Variants in GRK6 observed in about 807,000 individuals in gnomAD.
The protein encoded by GRK6 is G protein-coupled receptor kinase 6.
Under a neutral mutation model 80.8 loss-of-function variants are expected in GRK6, and 37 were observed. The observed-to-expected ratio is 0.46, with a 90% confidence interval of 0.35 to 0.60. GRK6 has a LOEUF of 0.60. GRK6 is among the 20% of genes least tolerant of loss of function. The probability of loss-of-function intolerance (pLI) is 0.00; values close to 1 mark genes in which losing one functional copy is unlikely to be tolerated. For synonymous variants in GRK6, 295 were observed against 320.9 expected (o/e 0.92, Z 0.86); for missense variants, 560 against 784.6 (o/e 0.71, Z 3.42).
At chr5:177,436,017 C>T (rs1764130095) in intron 11 of GRK6, 56 bp from the exon 12 acceptor site, 1 of 1,488,234 alleles carries the variant, frequency 6.7e-7, no homozygotes, top group Admixed American at 1.7e-5. Flanking sequence ...TTCCTGGGGC[C>T]TGAGGGTCCA....
At position 177,432,276 on chromosome 5, in the gene GRK6, G is replaced by T. The variant is rs1186612780; in HGVS notation, c.305G>T (p.Gly102Val). 1.2e-6 allele frequency: 2 copies of T among 1,613,120 alleles called. No homozygotes were observed. The highest frequency in any genetic ancestry group is 2.7e-5 in the African/African-American group (2 of 74,916). Residue 102 changes from glycine to valine, a missense_variant, in exon 4 of 16, where the codon GGG becomes GTG. Physicochemically the swap from Gly to Val is moderately radical, Grantham distance 109. Around this residue, in one of 3 missense-constraint regions of GRK6, gnomAD observed 189 missense variants for 230.2 expected, o/e 0.82. Coordinates refer to ENST00000355472, the MANE Select transcript of GRK6 (RefSeq NM_001004106.3). ...CCGGATGACAAGCGGAAGGCATGTG[G>T]GCGGCAGCTAACGCAGAATTTTCTG... Reference protein sequence around the residue: ...VTPDDKRKACGRQLTQNFLSH... With the variant: ...VTPDDKRKACVRQLTQNFLSH...
intron 5 of GRK6, 101 bp downstream of exon 5, chr5:177,432,907 C>T (rs1763974212): frequency 1.0e-6 from 1 of 988,178 alleles, no homozygotes; most frequent in Non-Finnish European, 1.5e-6. Context: ...TGAGGGAGCT[C>T]AGCTGCCCAG....
At chr5:177,441,527 T>C (rs1764498027) in intron 15 of GRK6, among the ~76,000 whole-genome samples, 1 of 152,130 alleles carries the variant, frequency 6.6e-6, no homozygotes, top group South Asian at 2.1e-4. Flanking sequence ...CTTACTTCAG[T>C]CTGTTGCCGG....
chr5:177,433,035 A>G (rs1670934277), intron 5 of GRK6, 112 bp from the exon 6 acceptor site: 3 of 971,078 alleles, frequency 3.1e-6, no homozygotes, highest in Admixed American at 1.9e-5. Flanking sequence ...GGACTGGCCG[A>G]CGACGATACC....
intron 14 of GRK6, 40 bp downstream of exon 14, chr5:177,440,877 C>T: frequency 6.2e-7 from 1 of 1,613,696 alleles, no homozygotes; most frequent in Non-Finnish European, 8.5e-7. Flanking sequence ...CTCCAGGAGG[C>T]TGCCCTGGGG....
Position 177,429,153 on chromosome 5 carries a change from A to G in GRK6, c.53-1719A>G, listed in dbSNP as rs930876590. ...CTCACTTCAGAATCTCAGTTTTCAT[A>G]TAAAATTGGGCCTGCTCTGGCAGAG... On this transcript the variant is annotated intron_variant, in intron 1 of 15. Transcript: ENST00000355472. The surrounding 1 kb of genome is among the most constrained non-coding windows in gnomAD (Gnocchi z 4.3). Among the ~76,000 whole-genome samples the G allele has an allele frequency of 6.6e-5, 10 of 152,066 alleles. No homozygotes were observed. The highest frequency in any genetic ancestry group is 3.3e-4 in the Admixed American group (5 of 15,260).
rs1764578455 is a variant in GRK6, at chr5:177,442,753, G to T, written c.*963G>T. ...CCCTGGCCCTTCCCAGACTGTGATG[G>T]CCATCCTGGTCCCAGTGTTAGGGTA... On this transcript the variant is annotated 3_prime_UTR_variant, in exon 16 of 16. Coordinates refer to ENST00000355472, the MANE Select transcript of GRK6 (RefSeq NM_001004106.3). 1 of 152,636 alleles carries T rather than the reference G, an allele frequency of 6.6e-6. No individual in the cohort carries two copies. Among genetic ancestry groups the T allele is most frequent in the Non-Finnish European group, 1.5e-5 (1 of 68,060 alleles). 9.5% of individuals were successfully genotyped at this position (152,636 alleles called of 1,614,324 possible). A position where few individuals can be genotyped will look rare whatever the true frequency, so the allele number is the denominator to read the frequency against.
rs1763944701 is a variant in GRK6 at position 177,432,395 on chromosome 5, G to A, written c.339+85G>A. The A allele has an allele frequency of 2.2e-6, 3 of 1,339,360 alleles. No homozygotes were observed. In the East Asian group the frequency reaches 6.9e-5, roughly 31 times the overall value. 83.0% of individuals were successfully genotyped at this position (1,339,360 alleles called of 1,614,324 possible). A position where few individuals can be genotyped will look rare whatever the true frequency, so the allele number is the denominator to read the frequency against. The stretch of plus-strand genomic sequence containing the variant: ...AGTGACCACAGTGTCAGGCTTCTGA[G>A]GGTGGTCTCTTCATACAGACACATG... On this transcript the variant is annotated intron_variant, in intron 4 of 15. Coordinates refer to ENST00000355472, the MANE Select transcript of GRK6 (RefSeq NM_001004106.3).
intron 2 of GRK6, 39 bp downstream of exon 2, chr5:177,431,006 G>A (rs1178209732): frequency 6.4e-7 from 1 of 1,560,040 alleles, no homozygotes; most frequent in Non-Finnish European, 8.8e-7. Flanking sequence ...TGAGGCGAGG[G>A]GCCCTGCTGG....
rs1466626896 is a variant in GRK6 at position 177,429,198 on chromosome 5, G to C, written c.53-1674G>C. Reference sequence around the variant, plus strand: ...GCAGAGTTGCTGTGAGGATGGAGTGGGACAACGCTGGGGCTTGAGACCTCC... The same window carrying C: ...GCAGAGTTGCTGTGAGGATGGAGTGCGACAACGCTGGGGCTTGAGACCTCC... On this transcript the variant is annotated intron_variant, in intron 1 of 15. Coordinates refer to ENST00000355472, the MANE Select transcript of GRK6 (RefSeq NM_001004106.3). This position sits in a 1 kb window ranked among gnomAD's most constrained non-coding sequence, Gnocchi z 4.3. Among the ~76,000 whole-genome samples the C allele has an allele frequency of 6.6e-6, 1 of 152,088 alleles. No homozygotes were observed. The highest frequency in any genetic ancestry group is 1.5e-5 in the Non-Finnish European group (1 of 68,018).
At chr5:177,438,058 T>C (rs1764247327) in intron 13 of GRK6, among the ~76,000 whole-genome samples, 1 of 152,094 alleles carries the variant, frequency 6.6e-6, no homozygotes. Context: ...CAGGTAATGT[T>C]AAGTGTGACA....
chr5:177,440,596 T>C, intron 13 of GRK6, 104 bp from the exon 14 acceptor site: 1 of 1,349,322 alleles, frequency 7.4e-7, no homozygotes, highest in East Asian at 2.4e-5. Flanking sequence ...GAGCTGCTGG[T>C]GTCAGGCAGC....
At chr5:177,441,646 C>G (rs1334540105) in intron 15 of GRK6, 91 bp from the exon 16 acceptor site, 2 of 1,104,036 alleles carry the variant, frequency 1.8e-6, no homozygotes, top group Non-Finnish European at 2.8e-6. Context: ...CTGGCCTGCC[C>G]TGGCAGGGTC....
At chr5:177,441,620 AC>A in intron 15 of GRK6, 116 bp from the exon 16 acceptor site, 1 of 869,994 alleles carries the variant, frequency 1.1e-6, no homozygotes, top group Non-Finnish European at 2.0e-6. Flanking sequence ...CCCAGAGTGC[AC>A]CCCTCAGGCA....
intron 12 of GRK6, 30 bp from the exon 13 acceptor site, chr5:177,436,354 ACCTGCCTGG>A (rs746670964): frequency 6.2e-6 from 9 of 1,444,378 alleles, no homozygotes; most frequent in East Asian, 5.7e-5. Flanking sequence ...CCACCCACTC[ACCTGCCTGG>A]CCTGCCTGGC....
In GRK6 at chr5:177,436,182, G is replaced by A. The variant is rs750946000; in HGVS notation, c.1167G>A (p.Lys389=). The change falls in exon 12 of 16, where the codon AAG becomes AAA. Residue 389 remains lysine, a synonymous_variant. Coordinates refer to ENST00000355472, the MANE Select transcript of GRK6 (RefSeq NM_001004106.3). ...GCCAGTCGCCCTTCCAGCAGAGGAA[G>A]AAGAAGATCAAGCGGGAGGAGGTGG... ...IAGQSPFQQR[K]KKIKREEVER... is the part of the protein sequence containing the mutation. The A allele has an allele frequency of 1.2e-6, 2 of 1,614,216 alleles. No homozygotes were observed. The highest frequency in any genetic ancestry group is 1.7e-5 in the Admixed American group (1 of 60,032).
In GRK6 at chr5:177,433,571, G is replaced by A; in HGVS notation, c.633G>A (p.Met211Ile). The A allele has an allele frequency of 6.2e-7, 1 of 1,614,176 alleles. No individual in the cohort carries two copies. Among genetic ancestry groups the A allele is most frequent in the Non-Finnish European group, 8.5e-7 (1 of 1,180,042 alleles). ...GCCAGGTGCGGGCCACAGGTAAGATGTATGCCTGCAAGAAGCTAGAGAAAA... is the reference window on the plus strand; with the variant it reads ...GCCAGGTGCGGGCCACAGGTAAGATATATGCCTGCAAGAAGCTAGAGAAAA... ...CACQVRATGKMYACKKLEKKR... is the reference protein window; with the variant it reads ...CACQVRATGKIYACKKLEKKR... The change falls in exon 8 of 16, where the codon ATG (methionine) becomes ATA (isoleucine). Residue 211 changes from methionine to isoleucine, a missense_variant. Around this residue, in one of 3 missense-constraint regions of GRK6, gnomAD observed 77 missense variants for 156.9 expected, o/e 0.49. Transcript: ENST00000355472.
At chr5:177,426,531 C>A (rs1266434883), upstream of GRK6, 1 of 151,956 alleles carries the variant, frequency 6.6e-6, no homozygotes, top group African/African-American at 2.4e-5. Flanking sequence ...TGAGCGAGTC[C>A]CCAGCTGGGG....
At chr5:177,438,104 C>T (rs1298526991) in intron 13 of GRK6, among the ~76,000 whole-genome samples, 1 of 152,146 alleles carries the variant, frequency 6.6e-6, no homozygotes, top group East Asian at 1.9e-4. Flanking sequence ...TGCGGTGGCT[C>T]ACGCTGTAAT....
Sources: allele counts gnomAD v4.1 joint callset (sites outside exome capture counted in the v4.1 genomes callset), GRCh38; gene constraint gnomAD v4.1.1; regional missense constraint gnomAD v4.1.1; non-coding constraint Gnocchi (gnomAD v3.1); transcripts MANE v1.5; gene names NCBI Gene and HGNC (gene_info 2026-07-23, HGNC 2026-07-21).